Variants in PLEKHG6 observed in about 807,000 individuals in gnomAD.
The protein encoded by PLEKHG6 is pleckstrin homology and RhoGEF domain containing G6.
In PLEKHG6, 91 loss-of-function variants were observed where a neutral mutation model predicts 97.5. The ratio of observed to expected loss-of-function variants is 0.93; its 90% CI spans 0.79 to 1.11. The LOEUF (loss-of-function observed/expected upper bound fraction) is 1.11. Ranked by LOEUF, PLEKHG6 falls within the 50% of genes most tolerant of loss-of-function variation. The pLI is 0.00. For missense variants in PLEKHG6, 1,044 were observed against 1,031.0 expected, an observed-to-expected ratio of 1.01 and a Z score of -0.17; for synonymous variants, 466 against 425.5, an observed-to-expected ratio of 1.10 and a Z score of -1.17.
At chr12:6,326,367 C>T in intron 13 of PLEKHG6, 61 bp from the exon 14 acceptor site, 2 of 1,314,858 alleles carry the variant, frequency 1.5e-6, no homozygotes, top group African/African-American at 1.5e-5. Flanking sequence ...AGCAGGGTGC[C>T]TGGCAAACAG....
chr12:6,315,882 G>T lies in PLEKHG6; in HGVS notation c.569G>T (p.Gly190Val), dbSNP rs1220226301. Residue 190 changes from glycine to valine, a missense_variant, in exon 6 of 16, where the codon GGC (glycine) becomes GTC (valine). Gly to Val is a moderately radical substitution (Grantham distance 109). Transcript: ENST00000684764. This position sits in a 1 kb window ranked among gnomAD's most constrained non-coding sequence, Gnocchi z 4.5. ...LKIMTDLLAA[G>V]LLNLQRVGLL... Reference sequence around the variant, plus strand: ...CCCTCCCTGCAGCTGCTAGCCGCCGGCCTGCTGAACCTGCAGCGAGTGGGA... The same window carrying T: ...CCCTCCCTGCAGCTGCTAGCCGCCGTCCTGCTGAACCTGCAGCGAGTGGGA... 6.4e-7 allele frequency: 1 copy of T among 1,574,746 alleles called. No individual in the cohort carries two copies. The highest frequency in any genetic ancestry group is 2.3e-5 in the East Asian group (1 of 43,034).
Position 6,317,614 on chromosome 12 carries a change from G to T in PLEKHG6, c.935G>T (p.Arg312Leu). The T allele has an allele frequency of 6.2e-7, 1 of 1,613,948 alleles. No homozygotes were observed. The highest frequency in any genetic ancestry group is 8.5e-7 in the Non-Finnish European group (1 of 1,180,000). ...LCDLLIKPHQ[R>L]ITKYPLLLHA... is the part of the protein sequence containing the mutation. ...GACTTGCTTATCAAGCCCCACCAGC[G>T]CATCACCAAGTACCCACTGCTGCTC... The change falls in exon 9 of 16, where the codon CGC becomes CTC. Residue 312 changes from arginine to leucine, a missense_variant. Arg to Leu is a moderately radical substitution (Grantham distance 102, BLOSUM62 -2). Coordinates refer to ENST00000684764, the MANE Select transcript of PLEKHG6 (RefSeq NM_001384598.1).
At position 6,319,283 on chromosome 12, in the gene PLEKHG6, A is replaced by C. The variant is rs142860518; in HGVS notation, c.1524+175A>C. ...GCCAACATGGTGAAACCCCGTCTCT[A>C]CTAAAAATACAAAAATTAGCCGGGC... On this transcript the variant is annotated intron_variant, in intron 13 of 15. Coordinates refer to ENST00000684764, the MANE Select transcript of PLEKHG6 (RefSeq NM_001384598.1). The C allele has an allele frequency of 6.7e-3, 4,103 of 612,730 alleles. 111 individuals are homozygous for C. The highest frequency in any genetic ancestry group is 0.061 in the African/African-American group (3,302 of 54,086). 38.0% of individuals were successfully genotyped at this position (612,730 alleles called of 1,614,324 possible).
chr12:6,310,470 C>T (rs551800902), upstream of PLEKHG6: 662 of 152,432 alleles, frequency 4.3e-3, 4 homozygotes, highest in Admixed American at 0.014. Flanking sequence ...GAGTGGAGGG[C>T]GCGCGGTCCC....
rs968348529 is a variant in PLEKHG6 at position 6,315,722 on chromosome 12, A to G, written c.555+73A>G. ...CCCCCATCCTCCCAGACTGGAAGGC[A>G]GGTCACTGGGGGAGGGAGGGGCAGG... is the stretch of plus-strand genomic sequence containing the variant. On this transcript the variant is annotated intron_variant, in intron 5 of 15. Transcript: ENST00000684764. This position sits in a 1 kb window ranked among gnomAD's most constrained non-coding sequence, Gnocchi z 4.5. 4 of 1,232,456 alleles carry G rather than the reference A, an allele frequency of 3.2e-6. No homozygotes were observed. The highest frequency in any genetic ancestry group is 4.6e-6 in the Non-Finnish European group (4 of 871,258). The allele number at this position is 1,232,456 out of a possible 1,614,324, so 76.3% of individuals were successfully genotyped here.
At chr12:6,310,880 G>T (rs1947234678) in intron 1 of PLEKHG6, 32 bp downstream of exon 1, 1 of 152,810 alleles carries the variant, frequency 6.5e-6, no homozygotes, top group African/African-American at 2.4e-5. Flanking sequence ...CGGCCCGGGG[G>T]CGGGGCGGCC....
chr12:6,311,953 T>C (rs768403594), intron 1 of PLEKHG6, among the ~76,000 whole-genome samples: 2 of 152,000 alleles, frequency 1.3e-5, no homozygotes, highest in Non-Finnish European at 2.9e-5. Flanking sequence ...CCAAGGGGCT[T>C]CCTACCCAAT....
At chr12:6,324,844 T>C (rs1947814939) in intron 13 of PLEKHG6, among the ~76,000 whole-genome samples, 1 of 152,166 alleles carries the variant, frequency 6.6e-6, no homozygotes, top group South Asian at 2.1e-4. Context: ...TGCTGGCTCA[T>C]ATACTTCAAG....
intron 9 of PLEKHG6, 63 bp from the exon 10 acceptor site, chr12:6,317,794 C>A: frequency 6.5e-7 from 1 of 1,547,048 alleles, no homozygotes; most frequent in Non-Finnish European, 8.7e-7. Context: ...TGTGCTGTGG[C>A]TGGCATTGGT....
At chr12:6,326,602 C>T in intron 14 of PLEKHG6, 29 bp downstream of exon 14, 1 of 1,430,502 alleles carries the variant, frequency 7.0e-7, no homozygotes, top group Non-Finnish European at 9.2e-7. Flanking sequence ...ACAAGGTCTC[C>T]CCGAGCAGGA....
chr12:6,318,608 C>T lies in PLEKHG6; in HGVS notation c.1276-137C>T, dbSNP rs116121852. ...AAAGTGAGAGATGTGACCAAAGCGACGCCCCTGGCCACTCCCGCATTTGGG... is the reference window on the plus strand; with the variant it reads ...AAAGTGAGAGATGTGACCAAAGCGATGCCCCTGGCCACTCCCGCATTTGGG... On this transcript the variant is annotated intron_variant, in intron 11 of 15. Coordinates refer to ENST00000684764, the MANE Select transcript of PLEKHG6 (RefSeq NM_001384598.1). 1.3e-3 allele frequency: 1,540 copies of T among 1,154,172 alleles called. 16 individuals carry two copies. The African/African-American group carries it at 0.021, about 16-fold the overall frequency. The allele number at this position is 1,154,172 out of a possible 1,614,324, so 71.5% of individuals were successfully genotyped here.
chr12:6,321,826 T>TAAAAAAAG (rs1555105119), intron 13 of PLEKHG6, among the ~76,000 whole-genome samples: 2 of 97,384 alleles, frequency 2.1e-5, no homozygotes, highest in East Asian at 5.2e-4. Flanking sequence ...GACTCTGTCT[T>TAAAAAAAG]AAAAAAAAAA....
rs1322673365 is a variant in PLEKHG6, at chr12:6,312,240, G to A, written c.14G>A (p.Gly5Asp). Residue 5 changes from glycine (G) to aspartate (D), a missense_variant, in exon 2 of 16, where the codon GGT becomes GAT. Coordinates refer to ENST00000684764, the MANE Select transcript of PLEKHG6 (RefSeq NM_001384598.1). ...AGGAGAGAAGGGATGAAGGCCTTTG[G>A]TCCTCCACATGAGGGCCCCCTCCAA... Reference protein sequence around the residue: MKAFGPPHEGPLQGL... With the variant: MKAFDPPHEGPLQGL... The A allele has an allele frequency of 1.3e-6, 2 of 1,527,060 alleles. No homozygotes were observed. The highest frequency in any genetic ancestry group is 8.7e-7 in the Non-Finnish European group (1 of 1,144,198). 94.6% of individuals were successfully genotyped at this position (1,527,060 alleles called of 1,614,324 possible).
chr12:6,317,402 G>A lies in PLEKHG6; in HGVS notation c.856G>A (p.Ala286Thr), dbSNP rs145776896. 54 of 1,613,596 alleles carry A rather than the reference G, an allele frequency of 3.3e-5. No individual in the cohort carries two copies. The African/African-American group carries it at 6.4e-4, about 19-fold the overall frequency. Residue 286 changes from alanine to threonine, a missense_variant, in exon 8 of 16, where the codon GCC becomes ACC. Transcript: ENST00000684764. ...EQQETNPLFHAFVQWCEKHKR... is the reference protein window; with the variant it reads ...EQQETNPLFHTFVQWCEKHKR... ...GCAAGAAACTAACCCTCTCTTCCAT[G>A]CCTTCGTGCAGGTGGGAGAAGGGGT...
At chr12:6,314,124 G>A (rs1040192419) in intron 3 of PLEKHG6, among the ~76,000 whole-genome samples, 1 of 152,176 alleles carries the variant, frequency 6.6e-6, no homozygotes, top group Non-Finnish European at 1.5e-5. Context: ...GCCACTGTGA[G>A]CCTCACCTCT....
At chr12:6,317,140 C>T (rs185364247) in intron 7 of PLEKHG6, among the ~76,000 whole-genome samples, 163 bp from the exon 8 acceptor site, 11 of 152,292 alleles carry the variant, frequency 7.2e-5, no homozygotes, top group East Asian at 1.9e-4. Context: ...GGCGTAGCCT[C>T]GAGAGCATTC....
chr12:6,316,237 C>T lies in PLEKHG6; in HGVS notation c.607-18C>T, dbSNP rs1378967593. 13 of 1,544,334 alleles carry T rather than the reference C, an allele frequency of 8.4e-6. No homozygotes were observed. Among genetic ancestry groups the T allele is most frequent in the Non-Finnish European group, 1.1e-5 (12 of 1,142,470 alleles). Reference sequence around the variant, plus strand: ...GACCTTCCAAAAGTGTGCTGCTCAGCTCTGCTCCCTCCTCCAGGTGTCAGC... The same window carrying T: ...GACCTTCCAAAAGTGTGCTGCTCAGTTCTGCTCCCTCCTCCAGGTGTCAGC... On this transcript the variant is annotated intron_variant, in intron 6 of 15. Coordinates refer to ENST00000684764, the MANE Select transcript of PLEKHG6 (RefSeq NM_001384598.1). The surrounding 1 kb of genome is among the most constrained non-coding windows in gnomAD (Gnocchi z 4.1).
At chr12:6,322,465 C>T (rs534643579) in intron 13 of PLEKHG6, among the ~76,000 whole-genome samples, 2 of 152,182 alleles carry the variant, frequency 1.3e-5, no homozygotes, top group Non-Finnish European at 2.9e-5. Flanking sequence ...CCCCTGCTTC[C>T]GGCTCGGTTC....
Position 6,316,264 on chromosome 12 carries a change from G to T in PLEKHG6, c.616G>T (p.Glu206Ter). The change falls in exon 7 of 16, where the codon GAG becomes TAG. Residue 206 changes from glutamate to a stop codon, truncating the protein, a stop_gained. Coordinates refer to ENST00000684764, the MANE Select transcript of PLEKHG6 (RefSeq NM_001384598.1). LOFTEE classifies it high-confidence loss of function. This position sits in a 1 kb window ranked among gnomAD's most constrained non-coding sequence, Gnocchi z 4.1. ...CTGCTCCCTCCTCCAGGTGTCAGCT[G>T]AGACCCTGTTTGGAAATGTCCCCAG... ...RVGLLMEVSA[E>*]TLFGNVPSLI... 1 of 1,553,436 alleles carries T rather than the reference G, an allele frequency of 6.4e-7. No individual in the cohort carries two copies. Among genetic ancestry groups the T allele is most frequent in the East Asian group, 2.4e-5 (1 of 41,520 alleles).
Sources: allele counts gnomAD v4.1 joint callset (sites outside exome capture counted in the v4.1 genomes callset), GRCh38; gene constraint gnomAD v4.1.1; non-coding constraint Gnocchi (gnomAD v3.1); transcripts MANE v1.5; gene names NCBI Gene and HGNC (gene_info 2026-07-23, HGNC 2026-07-21).